Variants in U2AF2 observed in about 807,000 individuals in gnomAD.
U2AF2 encodes U2 small nuclear RNA auxiliary factor 2.
In U2AF2, 6 loss-of-function variants were observed where a neutral mutation model predicts 52.6. The ratio of observed to expected loss-of-function variants is 0.11; its 90% CI spans 0.06 to 0.23. The LOEUF is 0.23. Ranked by LOEUF, U2AF2 falls within the 10% of genes least tolerant of loss-of-function variation. The pLI, the probability that U2AF2 is intolerant of heterozygous loss-of-function variation, is 1.00. For missense variants in U2AF2, 222 were observed against 677.1 expected (o/e 0.33, Z 7.46); for synonymous variants, 284 against 258.2 (o/e 1.10, Z -0.96).
intron 5 of U2AF2, chr19:55,661,401 TCC>T (rs1424811917): frequency 2.3e-6 from 1 of 443,398 alleles, no homozygotes; most frequent in Non-Finnish European, 3.8e-6. Context: ...CCGTCTCCCC[TCC>T]CCCCAACCTC....
chr19:55,662,808 C>T (rs970528409), intron 6 of U2AF2, among the ~76,000 whole-genome samples, 190 bp downstream of exon 6: 1 of 152,136 alleles, frequency 6.6e-6, no homozygotes, highest in African/African-American at 2.4e-5. Context: ...CTTCCATTTG[C>T]TTTCTGTGTG....
Position 55,668,986 on chromosome 19 carries a change from C to T in U2AF2, c.946-97C>T, listed in dbSNP as rs1022811389. ...TTAATCCCCTTTGCCTTCCCCTCTT[C>T]CCCCACCAATGCCCCGGCTTGGGGG... On this transcript the variant is annotated intron_variant, in intron 9 of 11. Transcript: ENST00000308924. This position sits in a 1 kb window ranked among gnomAD's most constrained non-coding sequence, Gnocchi z 5.5. 14 of 1,499,634 alleles carry T rather than the reference C, an allele frequency of 9.3e-6. No homozygotes were observed. The highest frequency in any genetic ancestry group is 1.3e-5 in the Non-Finnish European group (14 of 1,105,592). The allele number at this position is 1,499,634 out of a possible 1,614,324, so 92.9% of individuals were successfully genotyped here.
At position 55,668,778 on chromosome 19, in the gene U2AF2, A is replaced by T; in HGVS notation, c.931A>T (p.Asn311Tyr). Residue 311 changes from asparagine to tyrosine, a missense_variant, in exon 9 of 12, where the codon AAC (asparagine) becomes TAC (tyrosine). Physicochemically the swap from Asn to Tyr is moderately radical, Grantham distance 143. Transcript: ENST00000308924. This position sits in a 1 kb window ranked among gnomAD's most constrained non-coding sequence, Gnocchi z 5.5. Reference protein sequence around the residue: ...GYAFCEYVDINVTDQAIAGLN... With the variant: ...GYAFCEYVDIYVTDQAIAGLN... ...CGCCTTCTGTGAGTACGTGGACATCAACGTCACGGATCAGGTGAGTCCCCG... is the reference window on the plus strand; with the variant it reads ...CGCCTTCTGTGAGTACGTGGACATCTACGTCACGGATCAGGTGAGTCCCCG... 6.2e-7 allele frequency: 1 copy of T among 1,612,894 alleles called. No homozygotes were observed. The highest frequency in any genetic ancestry group is 8.5e-7 in the Non-Finnish European group (1 of 1,179,220).
chr19:55,669,471 C>T lies in U2AF2; in HGVS notation c.1072C>T (p.Leu358=), dbSNP rs1473521588. 1.2e-6 allele frequency: 2 copies of T among 1,612,238 alleles called. No homozygotes were observed. Among genetic ancestry groups the T allele is most frequent in the Admixed American group, 1.7e-5 (1 of 59,918 alleles). Residue 358 remains leucine (L), a synonymous_variant, in exon 11 of 12, where the codon CTG becomes TTG. Transcript: ENST00000308924. ...PSTINQTPVT[L]QVPGLMSSQV... ...CACCATCAATCAGACGCCTGTGACCCTGCAAGTGCCGGGCTTGATGAGCTC... is the reference window on the plus strand; with the variant it reads ...CACCATCAATCAGACGCCTGTGACCTTGCAAGTGCCGGGCTTGATGAGCTC...
intron 11 of U2AF2, 121 bp from the exon 12 acceptor site, chr19:55,673,813 C>CA: frequency 1.4e-6 from 2 of 1,394,218 alleles, no homozygotes; most frequent in South Asian, 2.8e-5. Flanking sequence ...CCCTTTCTGA[C>CA]ACCTGTGGCG....
chr19:55,660,514 A>G lies in U2AF2; in HGVS notation c.231-2A>G. ...CCCGCTCTCCCCTCCCACCTCCCCC[A>G]GTCGTTCCCCCCGCCACGAGAAGAA... On this transcript the variant is annotated splice_acceptor_variant, in intron 3 of 11. Coordinates refer to ENST00000308924, the MANE Select transcript of U2AF2 (RefSeq NM_007279.3). LOFTEE classifies it high-confidence loss of function. 3.3e-6 allele frequency: 1 copy of G among 299,282 alleles called. No individual in the cohort carries two copies. The highest frequency in any genetic ancestry group is 5.1e-6 in the Non-Finnish European group (1 of 195,880). 18.5% of individuals were successfully genotyped at this position (299,282 alleles called of 1,614,324 possible).
Position 55,656,596 on chromosome 19 carries a change from C to T in U2AF2, c.49+1443C>T, listed in dbSNP as rs568750472. Among the ~76,000 whole-genome samples, 18 of 152,348 alleles carry T rather than the reference C, an allele frequency of 1.2e-4. 1 individual carries two copies. The South Asian group carries it at 1.2e-3, about 11-fold the overall frequency. ...GATAGATGTAGTTAAACTCTGAGCGCTTACCGTGTGCCAGGCTCTTCGCTA... is the reference window on the plus strand; with the variant it reads ...GATAGATGTAGTTAAACTCTGAGCGTTTACCGTGTGCCAGGCTCTTCGCTA... On this transcript the variant is annotated intron_variant, in intron 1 of 11. Transcript: ENST00000308924.
At position 55,672,983 on chromosome 19, in the gene U2AF2, C is replaced by T. The variant is rs568125347; in HGVS notation, c.1294-951C>T. ...TTTGAGACGGAGCCTCACTCTGTCA[C>T]CCAGGCTGGAGTGCAGTGGCGCAAT... On this transcript the variant is annotated intron_variant, in intron 11 of 11. Coordinates refer to ENST00000308924, the MANE Select transcript of U2AF2 (RefSeq NM_007279.3). Among the ~76,000 whole-genome samples the T allele has an allele frequency of 8.6e-5, 13 of 151,478 alleles. No homozygotes were observed. The South Asian group carries it at 2.5e-3, about 29-fold the overall frequency.
At chr19:55,659,092 C>T in intron 1 of U2AF2, 118 bp from the exon 2 acceptor site, 1 of 1,349,066 alleles carries the variant, frequency 7.4e-7, no homozygotes, top group South Asian at 1.9e-5. Context: ...TCCATTGAAT[C>T]CCTTCCCTTT....
chr19:55,655,404 T>C (rs1983717968), intron 1 of U2AF2, among the ~76,000 whole-genome samples: 1 of 152,114 alleles, frequency 6.6e-6, no homozygotes, highest in African/African-American at 2.4e-5. Context: ...CCCCACGTGG[T>C]CCTGGCGGAG....
chr19:55,674,209 C>A lies in U2AF2; in HGVS notation c.*141C>A. On this transcript the variant is annotated 3_prime_UTR_variant, in exon 12 of 12. Coordinates refer to ENST00000308924, the MANE Select transcript of U2AF2 (RefSeq NM_007279.3). ...CAGCCGGCAGCAACTGGAATGGCAG[C>A]AATTAAGGGTGGGGGGCGGGGGTTG... The A allele has an allele frequency of 4.8e-6, 1 of 206,666 alleles. No homozygotes were observed. Among genetic ancestry groups the A allele is most frequent in the Non-Finnish European group, 7.4e-6 (1 of 135,660 alleles). The allele number at this position is 206,666 out of a possible 1,614,324, so 12.8% of individuals were successfully genotyped here. A position where few individuals can be genotyped will look rare whatever the true frequency, so the allele number is the denominator to read the frequency against.
At chr19:55,660,064 G>T (rs1984066545) in intron 2 of U2AF2, 113 bp from the exon 3 acceptor site, 3 of 914,416 alleles carry the variant, frequency 3.3e-6, no homozygotes, top group Middle Eastern at 2.8e-4. Flanking sequence ...GCTGCTTGTT[G>T]ACCTCGGCCC....
chr19:55,659,474 G>T, intron 2 of U2AF2, 129 bp downstream of exon 2: 1 of 1,212,024 alleles, frequency 8.3e-7, no homozygotes, highest in African/African-American at 1.6e-5. Flanking sequence ...TCTTTGTGTG[G>T]ATCTGGGGGA....
At chr19:55,655,346 C>T (rs1205028093) in intron 1 of U2AF2, among the ~76,000 whole-genome samples, 193 bp downstream of exon 1, 5 of 152,132 alleles carry the variant, frequency 3.3e-5, no homozygotes, top group Non-Finnish European at 7.4e-5. Context: ...GGGAAGGGGG[C>T]GGCGGGGCGC....
chr19:55,660,412 A>T (rs507498), intron 3 of U2AF2, 104 bp from the exon 4 acceptor site: 1 of 1,111,338 alleles, frequency 9.0e-7, no homozygotes, highest in South Asian at 1.4e-5. Flanking sequence ...TGGAGCTTAC[A>T]TGGTTGCGGG....
chr19:55,661,057 C>T lies in U2AF2; in HGVS notation c.354C>T (p.Ala118=), dbSNP rs777458724. Residue 118 remains alanine, a synonymous_variant, in exon 5 of 12, where the codon GCC becomes GCT. Transcript: ENST00000308924. ...KAMQAAGQIP[A]TALLPTMTPD... Reference sequence around the variant, plus strand: ...TTGAAGCTGCGGGTCAGATTCCAGCCACTGCTCTTCTCCCCACCATGACCC... The same window carrying T: ...TTGAAGCTGCGGGTCAGATTCCAGCTACTGCTCTTCTCCCCACCATGACCC... The T allele has an allele frequency of 2.3e-5, 37 of 1,588,656 alleles. No homozygotes were observed. Among genetic ancestry groups the T allele is most frequent in the Non-Finnish European group, 3.0e-5 (35 of 1,160,576 alleles).
At chr19:55,669,763 C>G in intron 11 of U2AF2, 71 bp downstream of exon 11, 1 of 1,486,206 alleles carries the variant, frequency 6.7e-7, no homozygotes, top group Non-Finnish European at 9.0e-7. Context: ...CTTTCTTCCT[C>G]TCTTGCTCCC....
chr19:55,659,142 G>A (rs932084642), intron 1 of U2AF2, 68 bp from the exon 2 acceptor site: 19 of 1,435,442 alleles, frequency 1.3e-5, no homozygotes, highest in South Asian at 9.0e-5. Context: ...AGCCACCAGC[G>A]CGCAGGGTGG....
chr19:55,668,702 C>G lies in U2AF2; in HGVS notation c.855C>G (p.Leu285=), dbSNP rs1394702016. 2.5e-6 allele frequency: 4 copies of G among 1,613,700 alleles called. No individual in the cohort carries two copies. The highest frequency in any genetic ancestry group is 1.3e-5 in the African/African-American group (1 of 75,034). The change falls in exon 9 of 12, where the codon CTC becomes CTG. Residue 285 remains leucine (L), a synonymous_variant. Transcript: ENST00000308924. This position sits in a 1 kb window ranked among gnomAD's most constrained non-coding sequence, Gnocchi z 5.5. Reference sequence around the variant, plus strand: ...AGCTGCTGACATCCTTTGGGCCCCTCAAGGCCTTCAACCTGGTCAAGGACA... The same window carrying G: ...AGCTGCTGACATCCTTTGGGCCCCTGAAGGCCTTCAACCTGGTCAAGGACA... The part of the protein sequence containing the change: ...VKELLTSFGP[L]KAFNLVKDSA...
Sources: gnomAD v4.1 joint callset for allele counts (sites outside exome capture counted in the v4.1 genomes callset) on GRCh38, gnomAD v4.1.1 for gene constraint, Gnocchi (gnomAD v3.1) non-coding constraint, MANE v1.5 for transcripts, NCBI Gene and HGNC (gene_info 2026-07-23, HGNC 2026-07-21) for gene names.